HOOK2: variants seen among roughly 807,000 people sequenced by gnomAD.
HOOK2 encodes the protein protein Hook homolog 2.
A neutral mutation model predicts 111.9 loss-of-function variants in HOOK2; 108 were observed. The ratio of observed to expected loss-of-function variants is 0.96; its 90% CI spans 0.83 to 1.13. The LOEUF (loss-of-function observed/expected upper bound fraction) is 1.13, where lower values mean the gene tolerates loss of function less well. Ranked by LOEUF, HOOK2 falls within the 50% of genes most tolerant of loss-of-function variation. The probability of loss-of-function intolerance (pLI) is 0.00; values close to 1 mark genes in which losing one functional copy is unlikely to be tolerated. For synonymous variants in HOOK2, 405 were observed against 394.3 expected, an observed-to-expected ratio of 1.03 and a Z score of -0.32; for missense variants, 978 against 951.3, an observed-to-expected ratio of 1.03 and a Z score of -0.37.
At chr19:12,785,612 G>C (rs561981282) in intron 3 of HOOK2, among the ~76,000 whole-genome samples, 15 of 152,308 alleles carry the variant, frequency 9.8e-5, no homozygotes, top group Non-Finnish European at 1.5e-4. Flanking sequence ...ACTCTACACA[G>C]ATAAGCCCTA....
chr19:12,779,059 A>G (rs763260612), upstream of HOOK2, among the ~76,000 whole-genome samples: 14 of 152,276 alleles, frequency 9.2e-5, no homozygotes, highest in East Asian at 3.9e-4. Context: ...AGAGCCCCCA[A>G]CGTTTTGGGG....
rs1968713335 is a variant in HOOK2, at chr19:12,791,500, G to T, written n.42-17275C>A. 2.5e-6 allele frequency: 1 copy of T among 405,684 alleles called. No homozygotes were observed. Among genetic ancestry groups the T allele is most frequent in the South Asian group, 4.3e-5 (1 of 23,186 alleles). 25.1% of individuals were successfully genotyped at this position (405,684 alleles called of 1,614,324 possible). A position where few individuals can be genotyped will look rare whatever the true frequency, so the allele number is the denominator to read the frequency against. On this transcript the variant is annotated intron_variant and non_coding_transcript_variant, in intron 3 of 3. Transcript: ENST00000589765. This position sits in a 1 kb window ranked among gnomAD's most constrained non-coding sequence, Gnocchi z 7.0. ...GCTGAGCGGCTGGGACCTTGAGAGCGGCCAGGCCAGCCTCGGAGCCAGCAG... is the reference window on the plus strand; with the variant it reads ...GCTGAGCGGCTGGGACCTTGAGAGCTGCCAGGCCAGCCTCGGAGCCAGCAG...
intron 10 of HOOK2, 98 bp downstream of exon 10, chr19:12,770,834 C>A (rs1235922170): frequency 4.8e-6 from 7 of 1,446,696 alleles, no homozygotes; most frequent in Non-Finnish European, 6.6e-6. Context: ...TCACTGGGCA[C>A]ATGAAAATTA....
rs1049695813 is a variant in HOOK2 at position 12,786,962 on chromosome 19, C to T, written n.42-12737G>A. On this transcript the variant is annotated intron_variant and non_coding_transcript_variant, in intron 3 of 3. Coordinates refer to the HOOK2 transcript ENST00000589765. This position sits in a 1 kb window ranked among gnomAD's most constrained non-coding sequence, Gnocchi z 4.3. Reference sequence around the variant, plus strand: ...GTGGGAGGATCCCTTAGGGCCAGGACTTCCAGACCAGCCTAGGCAACAGAA... The same window carrying T: ...GTGGGAGGATCCCTTAGGGCCAGGATTTCCAGACCAGCCTAGGCAACAGAA... 3.3e-5 allele frequency among the ~76,000 whole-genome samples: 5 copies of T among 152,038 alleles called. No homozygotes were observed. Among genetic ancestry groups the T allele is most frequent in the African/African-American group, 1.2e-4 (5 of 41,390 alleles).
chr19:12,775,257 G>T, intron 1 of HOOK2, 148 bp downstream of exon 1: 2 of 1,451,132 alleles, frequency 1.4e-6, no homozygotes, highest in Admixed American at 5.3e-5. Flanking sequence ...GACGGGGGCG[G>T]GTGCTCGGGC....
At chr19:12,778,759 T>C (rs1968567451), upstream of HOOK2, among the ~76,000 whole-genome samples, 1 of 152,202 alleles carries the variant, frequency 6.6e-6, no homozygotes, top group Admixed American at 6.5e-5. Flanking sequence ...TGGCGTGATG[T>C]TGTGGGCGTC....
chr19:12,763,892 A>T (rs560370599), intron 20 of HOOK2, 114 bp from the exon 21 acceptor site: 1 of 729,470 alleles, frequency 1.4e-6, no homozygotes, highest in South Asian at 1.8e-5. Flanking sequence ...GAGTCCCCCT[A>T]TGTTGCCCAG....
chr19:12,772,751 G>T lies in HOOK2; in HGVS notation c.388+29C>A, dbSNP rs140712207. 1.9e-4 allele frequency: 302 copies of T among 1,613,584 alleles called. 2 individuals carry two copies. The African/African-American group carries it at 3.5e-3, about 19-fold the overall frequency. ...GAGGAAGGAGGATTTCCTCAGGCCA[G>T]CCCTGGGGACCCCCTAAGCTCCCCA... On this transcript the variant is annotated intron_variant, in intron 5 of 22. Coordinates refer to ENST00000397668, the MANE Select transcript of HOOK2 (RefSeq NM_013312.3).
upstream of HOOK2, among the ~76,000 whole-genome samples, chr19:12,781,084 G>A (rs1485313679): frequency 6.7e-6 from 1 of 148,628 alleles, no homozygotes; most frequent in Non-Finnish European, 1.5e-5. Flanking sequence ...GGGCGGATCA[G>A]GAGTTCAGGA....
upstream of HOOK2, among the ~76,000 whole-genome samples, chr19:12,781,100 A>C (rs1021694257): frequency 1.1e-4 from 17 of 148,928 alleles, no homozygotes; most frequent in Admixed American, 2.0e-4. Flanking sequence ...CAGGAGATCG[A>C]GACCATCCTG....
chr19:12,774,591 C>T, intron 3 of HOOK2, 78 bp downstream of exon 3: 1 of 1,356,404 alleles, frequency 7.4e-7, no homozygotes, highest in Non-Finnish European at 1.1e-6. Flanking sequence ...TGCCCATCAC[C>T]CAGGACATGT....
At chr19:12,776,740 A>G (rs544031507), upstream of HOOK2, among the ~76,000 whole-genome samples, 1 of 151,516 alleles carries the variant, frequency 6.6e-6, no homozygotes, top group East Asian at 1.9e-4. Flanking sequence ...TCCTAGCTCT[A>G]CAGAGGCTGA....
chr19:12,789,193 CAAAG>C (rs879925169), intron 3 of HOOK2, among the ~76,000 whole-genome samples: 41 of 146,226 alleles, frequency 2.8e-4, no homozygotes, highest in Non-Finnish European at 5.2e-4. Flanking sequence ...GAGAGAGAGA[CAAAG>C]AGAGAGAGAG....
chr19:12,773,162 C>T (rs1278198702), intron 3 of HOOK2, 118 bp from the exon 4 acceptor site: 46 of 917,472 alleles, frequency 5.0e-5, no homozygotes, highest in Admixed American at 2.6e-4. Flanking sequence ...ATTCTGTCTG[C>T]GTGCGCCTTC....
chr19:12,769,991 G>A lies in HOOK2; in HGVS notation c.994C>T (p.Arg332Trp). 6.5e-7 allele frequency: 1 copy of A among 1,546,428 alleles called. No individual in the cohort carries two copies. The highest frequency in any genetic ancestry group is 8.7e-7 in the Non-Finnish European group (1 of 1,150,986). ...CCGGCGTTGCGTTCCTCCAGCTGCCGCACCTGCCGCCGCAGCTCCCTCAGC... is the reference window on the plus strand; with the variant it reads ...CCGGCGTTGCGTTCCTCCAGCTGCCACACCTGCCGCCGCAGCTCCCTCAGC... ...GELRELRRQV[R>W]QLEERNAGHA... Residue 332 changes from arginine (R) to tryptophan (W), a missense_variant, in exon 11 of 23, where the codon CGG (arginine) becomes TGG (tryptophan). By Grantham distance (101) the Arg-to-Trp change is moderately radical (BLOSUM62 -3). Coordinates refer to ENST00000397668, the MANE Select transcript of HOOK2 (RefSeq NM_013312.3).
intron 3 of HOOK2, among the ~76,000 whole-genome samples, chr19:12,788,168 A>C (rs1968674204): frequency 6.6e-6 from 1 of 152,212 alleles, no homozygotes. Flanking sequence ...TTCACAACAC[A>C]GTGGCTAATG....
rs1968655068 is a variant in HOOK2 at position 12,786,254 on chromosome 19, T to G, written n.42-12029A>C. Among the ~76,000 whole-genome samples, 1 of 152,024 alleles carries G rather than the reference T, an allele frequency of 6.6e-6. No individual in the cohort carries two copies. The highest frequency in any genetic ancestry group is 1.5e-5 in the Non-Finnish European group (1 of 67,962). ...GACACGGGAGGGAGGCTGGGTGCTG[T>G]GTGCTGCGATTTGTGGGTTCTCGCC... On this transcript the variant is annotated intron_variant and non_coding_transcript_variant, in intron 3 of 3. Transcript: ENST00000589765. This position sits in a 1 kb window ranked among gnomAD's most constrained non-coding sequence, Gnocchi z 4.3.
At chr19:12,789,413 C>T (rs1968684282) in intron 3 of HOOK2, among the ~76,000 whole-genome samples, 1 of 152,072 alleles carries the variant, frequency 6.6e-6, no homozygotes, top group Admixed American at 6.5e-5. Flanking sequence ...GGGAGGGAAG[C>T]TCTCAGATGA....
At chr19:12,783,136 G>A (rs2145795960), upstream of HOOK2, among the ~76,000 whole-genome samples, 1 of 151,954 alleles carries the variant, frequency 6.6e-6, no homozygotes, top group East Asian at 1.9e-4. Flanking sequence ...CACCCCTCCC[G>A]GCTTTCCCCG....
Sources: gnomAD v4.1 joint callset for allele counts (sites outside exome capture counted in the v4.1 genomes callset) on GRCh38, gnomAD v4.1.1 for gene constraint, Gnocchi (gnomAD v3.1) non-coding constraint, MANE v1.5 for transcripts, NCBI Gene and HGNC (gene_info 2026-07-23, HGNC 2026-07-21) for gene names.